USP49: variants seen among roughly 807,000 people sequenced by gnomAD.
The protein encoded by USP49 is ubiquitin specific peptidase 49.
USP49 carries 24 observed loss-of-function variants against 58.6 expected under a neutral mutation model. The ratio of observed to expected loss-of-function variants is 0.41; its 90% confidence interval spans 0.30 to 0.58. USP49 has a LOEUF of 0.58. USP49 is among the 20% of genes least tolerant of loss of function. The pLI, the probability that USP49 is intolerant of heterozygous loss-of-function variation, is 0.30. For synonymous variants in USP49, 408 were observed against 365.1 expected, an observed-to-expected ratio of 1.12 and a Z score of -1.34; for missense variants, 703 against 866.1, an observed-to-expected ratio of 0.81 and a Z score of 2.36.
intron 2 of USP49, among the ~76,000 whole-genome samples, chr6:41,879,063 T>G (rs1374902597): frequency 6.6e-6 from 1 of 152,228 alleles, no homozygotes; most frequent in African/African-American, 2.4e-5. Flanking sequence ...TACTCAACTA[T>G]GAATCTGCAC....
intron 1 of USP49, 62 bp from the exon 2 acceptor site, chr6:41,891,937 T>C (rs899033492): frequency 9.9e-5 from 15 of 152,172 alleles, no homozygotes; most frequent in Admixed American, 4.6e-4. Context: ...AATATAAACT[T>C]AAAAGCTTTT....
intron 7 of USP49, among the ~76,000 whole-genome samples, chr6:41,796,970 G>GAC (rs1401327487): frequency 1.1e-4 from 12 of 114,232 alleles, no homozygotes; most frequent in African/African-American, 4.2e-4. Context: ...TTTTTTTTGA[G>GAC]ACAGAGTCTC....
chr6:41,816,769 G>C (rs982312421), intron 3 of USP49, among the ~76,000 whole-genome samples: 1 of 151,964 alleles, frequency 6.6e-6, no homozygotes, highest in African/African-American at 2.4e-5. Flanking sequence ...CCAGGCTGGA[G>C]TGCAATGGCA....
In USP49 at chr6:41,806,282, T is replaced by A. The variant is rs769763039; in HGVS notation, c.702A>T (p.Arg234Ser). ...GCAGCTTGAGTGTGGCGGCGGGCAC[T>A]CTGCGTGAGGTAGGGAGGGCGGCGG... ...SRPAALPTSRRVPAATLKLRR... is the reference protein window; with the variant it reads ...SRPAALPTSRSVPAATLKLRR... The change falls in exon 4 of 8, where the codon AGA (arginine) becomes AGT (serine). Residue 234 changes from arginine (R) to serine (S), a missense_variant. Arg to Ser is a moderately radical substitution (Grantham distance 110). Around this residue, in one of 6 missense-constraint regions of USP49, gnomAD observed 376 missense variants for 373.5 expected, o/e 1.01. Coordinates refer to ENST00000682992, the MANE Select transcript of USP49 (RefSeq NM_001286554.2). This position sits in a 1 kb window ranked among gnomAD's most constrained non-coding sequence, Gnocchi z 5.9. The A allele has an allele frequency of 1.2e-6, 2 of 1,602,198 alleles. No individual in the cohort carries two copies. The highest frequency in any genetic ancestry group is 1.7e-6 in the Non-Finnish European group (2 of 1,178,860).
intron 3 of USP49, among the ~76,000 whole-genome samples, chr6:41,858,934 A>C (rs933703731): frequency 1.3e-5 from 2 of 152,180 alleles, no homozygotes; most frequent in African/African-American, 4.8e-5. Flanking sequence ...TTTGGGTCAC[A>C]GCTATATCTC....
At position 41,803,444 on chromosome 6, in the gene USP49, C is replaced by T. The variant is rs938351680; in HGVS notation, c.1561+362G>A. 1.3e-5 allele frequency among the ~76,000 whole-genome samples: 2 copies of T among 152,196 alleles called. No individual in the cohort carries two copies. Among genetic ancestry groups the T allele is most frequent in the Non-Finnish European group, 2.9e-5 (2 of 68,038 alleles). The stretch of plus-strand genomic sequence containing the variant: ...TCAGCCTCCCGAGTAGCTGGGATTA[C>T]AGGCATCTGCCACTATGCCCAGCTA... On this transcript the variant is annotated intron_variant, in intron 5 of 7. Transcript: ENST00000682992. This position sits in a 1 kb window ranked among gnomAD's most constrained non-coding sequence, Gnocchi z 4.1.
chr6:41,894,855 T>A (rs1048166815), intron 1 of USP49, among the ~76,000 whole-genome samples: 1 of 152,010 alleles, frequency 6.6e-6, no homozygotes, highest in African/African-American at 2.4e-5. Context: ...TCTCCCTGGC[T>A]TCTAACCCTT....
intron 7 of USP49, chr6:41,797,713 A>G: frequency 2.0e-6 from 2 of 985,902 alleles, no homozygotes; most frequent in Non-Finnish European, 1.2e-6. Flanking sequence ...GAGGTTACAC[A>G]GGTTCTACTG....
intron 2 of USP49, among the ~76,000 whole-genome samples, chr6:41,875,832 A>C (rs1484487358): frequency 6.6e-6 from 1 of 152,078 alleles, no homozygotes; most frequent in Non-Finnish European, 1.5e-5. Context: ...CCCGGGTTCA[A>C]GTGATTCTCC....
chr6:41,798,570 C>T (rs1772933260), intron 7 of USP49, 154 bp downstream of exon 7: 2 of 1,552,612 alleles, frequency 1.3e-6, no homozygotes, highest in East Asian at 4.5e-5. Flanking sequence ...GCCACGGCGC[C>T]CAACCCAATT....
rs1773125811 is a variant in USP49 at position 41,806,326 on chromosome 6, C to T, written c.658G>A (p.Gly220Ser). The T allele has an allele frequency of 2.6e-6, 4 of 1,538,424 alleles. No homozygotes were observed. The Admixed American group carries it at 6.0e-5, about 23-fold the overall frequency. The change falls in exon 4 of 8, where the codon GGC (glycine) becomes AGC (serine). Residue 220 changes from glycine to serine, a missense_variant. Coordinates refer to ENST00000682992, the MANE Select transcript of USP49 (RefSeq NM_001286554.2). The surrounding 1 kb of genome is among the most constrained non-coding windows in gnomAD (Gnocchi z 5.9). ...RLLLHTPRDAGPAASRPAALP... is the reference protein window; with the variant it reads ...RLLLHTPRDASPAASRPAALP... ...GCGGCGGGGCGCGAGGCAGCCGGGC[C>T]CGCGTCGCGGGGCGTGTGCAGGAGC...
intron 3 of USP49, among the ~76,000 whole-genome samples, chr6:41,829,470 T>C (rs1434677004): frequency 1.3e-5 from 2 of 152,118 alleles, no homozygotes; most frequent in Admixed American, 6.6e-5. Flanking sequence ...TGCAACACAA[T>C]GCCCGGCTAA....
chr6:41,836,056 TGACAGAGTGACAC>T (rs1038780526), intron 3 of USP49, among the ~76,000 whole-genome samples: 2 of 152,062 alleles, frequency 1.3e-5, no homozygotes, highest in Non-Finnish European at 2.9e-5. Flanking sequence ...CCAGCCTGGG[TGACAGAGTGACAC>T]TCTGTATACA....
chr6:41,810,976 T>C (rs754372568), intron 3 of USP49, among the ~76,000 whole-genome samples: 1 of 152,198 alleles, frequency 6.6e-6, no homozygotes, highest in Non-Finnish European at 1.5e-5. Flanking sequence ...CTAAATCCAA[T>C]GTACTGTGAG....
intron 3 of USP49, among the ~76,000 whole-genome samples, chr6:41,826,611 C>T (rs918070586): frequency 2.0e-5 from 3 of 151,530 alleles, no homozygotes; most frequent in Non-Finnish European, 4.4e-5. Flanking sequence ...GTCTCCAAAA[C>T]AGCAATTAAG....
At chr6:41,802,405 A>AT (rs34908974) in intron 5 of USP49, among the ~76,000 whole-genome samples, 2 of 64,054 alleles carry the variant, frequency 3.1e-5, no homozygotes, top group African/African-American at 9.2e-5. Flanking sequence ...ATTTTATTTT[A>AT]TTTTTTATTT....
rs1772768575 is a variant in USP49 at position 41,790,064 on chromosome 6, A to G, written c.*6469T>C. ...TGCTTCATTTTAAAAGGGAAAAAAA[A>G]AAAAGGAAGCTGTAACCATACATTG... On this transcript the variant is annotated 3_prime_UTR_variant, in exon 8 of 8. Transcript: ENST00000682992. 1 of 152,218 alleles carries G rather than the reference A, an allele frequency of 6.6e-6. No individual in the cohort carries two copies. The highest frequency in any genetic ancestry group is 2.4e-5 in the African/African-American group (1 of 41,454). 9.4% of individuals were successfully genotyped at this position (152,218 alleles called of 1,614,324 possible).
rs1772836443 is a variant in USP49 at position 41,793,562 on chromosome 6, A to C, written c.*2971T>G. 1 of 152,812 alleles carries C rather than the reference A, an allele frequency of 6.5e-6. No homozygotes were observed. Among genetic ancestry groups the C allele is most frequent in the East Asian group, 1.9e-4 (1 of 5,214 alleles). The allele number at this position is 152,812 out of a possible 1,614,324, so 9.5% of individuals were successfully genotyped here. A position where few individuals can be genotyped will look rare whatever the true frequency, so the allele number is the denominator to read the frequency against. The stretch of plus-strand genomic sequence containing the variant: ...GCATGAGCCACCGCGCCCAGCCTGG[A>C]AATTCTTTACAGTGTAGCACTGCCC... On this transcript the variant is annotated 3_prime_UTR_variant, in exon 8 of 8. Coordinates refer to ENST00000682992, the MANE Select transcript of USP49 (RefSeq NM_001286554.2).
chr6:41,805,581 C>T (rs1036242764), intron 4 of USP49, 47 bp downstream of exon 4: 16 of 1,561,762 alleles, frequency 1.0e-5, no homozygotes, highest in Non-Finnish European at 1.3e-5. Context: ...ACAGGAAGCC[C>T]AAGCTAACAT....
Sources: gnomAD v4.1 joint callset for allele counts (sites outside exome capture counted in the v4.1 genomes callset) on GRCh38, gnomAD v4.1.1 for gene constraint, gnomAD v4.1.1 regional missense constraint, Gnocchi (gnomAD v3.1) non-coding constraint, MANE v1.5 for transcripts, NCBI Gene and HGNC (gene_info 2026-07-23, HGNC 2026-07-21) for gene names.